Variants in KLRD1 observed in about 807,000 individuals in gnomAD.
The protein encoded by KLRD1 is killer cell lectin like receptor D1, also known as natural killer cells antigen CD94.
A neutral mutation model predicts 22.6 loss-of-function variants in KLRD1; 21 were observed. The observed-to-expected ratio is 0.93, with a 90% CI of 0.66 to 1.34. The LOEUF (loss-of-function observed/expected upper bound fraction) is 1.34, where lower values mean the gene tolerates loss of function less well. Among genes scored for constraint, KLRD1 ranks in the 40% most tolerant of loss-of-function variants. KLRD1 has a pLI of 0.00. For synonymous variants in KLRD1, 59 were observed against 71.1 expected, an observed-to-expected ratio of 0.83 and a Z score of 0.85; for missense variants, 183 against 208.6, an observed-to-expected ratio of 0.88 and a Z score of 0.76.
chr12:10,312,259 C>T (rs1297882435), intron 4 of KLRD1, among the ~76,000 whole-genome samples: 1 of 151,894 alleles, frequency 6.6e-6, no homozygotes, highest in Non-Finnish European at 1.5e-5. Flanking sequence ...ACCGTATTGG[C>T]GAGGCTGGTC....
At position 10,329,277 on chromosome 12, in the gene KLRD1, T is replaced by C. The variant is rs1398756732; in HGVS notation, c.*14484T>C. 1.3e-5 allele frequency: 2 copies of C among 152,238 alleles called. No individual in the cohort carries two copies. Among genetic ancestry groups the C allele is most frequent in the Non-Finnish European group, 2.9e-5 (2 of 68,030 alleles). 9.4% of individuals were successfully genotyped at this position (152,238 alleles called of 1,614,324 possible). On this transcript the variant is annotated 3_prime_UTR_variant, in exon 6 of 6. Transcript: ENST00000336164. ...GATTTATTCTTTGCAGATTGGTTGT[T>C]CAAAAATGTATTGTTAAATTATCAC...
intron 1 of KLRD1, among the ~76,000 whole-genome samples, chr12:10,248,477 A>C (rs569362497): frequency 6.6e-6 from 1 of 151,518 alleles, no homozygotes; most frequent in Admixed American, 6.6e-5. Flanking sequence ...TTAATATTTT[A>C]TTTTTATGTT....
At chr12:10,295,199 G>A (rs1028934262) in intron 1 of KLRD1, among the ~76,000 whole-genome samples, 2 of 152,112 alleles carry the variant, frequency 1.3e-5, no homozygotes, top group Non-Finnish European at 2.9e-5. Context: ...AACCATGGCT[G>A]TTGCCTATTT....
chr12:10,245,435 A>G (rs1216422880), intron 1 of KLRD1, among the ~76,000 whole-genome samples: 2 of 152,206 alleles, frequency 1.3e-5, no homozygotes, highest in East Asian at 1.9e-4. Context: ...GGAACAACTA[A>G]TAGTCTAAGA....
intron 1 of KLRD1, among the ~76,000 whole-genome samples, chr12:10,291,506 C>T (rs1407826015): frequency 6.6e-6 from 1 of 152,068 alleles, no homozygotes; most frequent in Non-Finnish European, 1.5e-5. Flanking sequence ...TTCACAACAT[C>T]TTCACCAGGA....
At chr12:10,309,833 C>T (rs1473646802) in intron 3 of KLRD1, 145 bp downstream of exon 3, 2 of 617,220 alleles carry the variant, frequency 3.2e-6, no homozygotes, top group Non-Finnish European at 5.8e-6. Flanking sequence ...TTTTACATTG[C>T]TCAATCTAAT....
At chr12:10,250,801 TA>T (rs1830765999) in intron 1 of KLRD1, among the ~76,000 whole-genome samples, 1 of 152,118 alleles carries the variant, frequency 6.6e-6, no homozygotes, top group Non-Finnish European at 1.5e-5. Flanking sequence ...CATAATACTT[TA>T]AAAATGGATA....
At chr12:10,266,353 A>G (rs1233473875) in intron 1 of KLRD1, among the ~76,000 whole-genome samples, 1 of 152,108 alleles carries the variant, frequency 6.6e-6, no homozygotes, top group Non-Finnish European at 1.5e-5. Flanking sequence ...ATTTTTGTCA[A>G]TTCAATGGGC....
chr12:10,290,202 G>A (rs1269515299), intron 1 of KLRD1, among the ~76,000 whole-genome samples: 6 of 152,172 alleles, frequency 3.9e-5, no homozygotes, highest in African/African-American at 1.4e-4. Flanking sequence ...AATTAAAATG[G>A]TATGTTGAAT....
At chr12:10,271,197 C>T (rs889395792) in intron 1 of KLRD1, among the ~76,000 whole-genome samples, 4 of 151,976 alleles carry the variant, frequency 2.6e-5, no homozygotes, top group Non-Finnish European at 5.9e-5. Context: ...ATTCTGTGAC[C>T]GTTTTGATAA....
intron 1 of KLRD1, among the ~76,000 whole-genome samples, chr12:10,241,756 T>C (rs1949243211): frequency 6.6e-6 from 1 of 152,124 alleles, no homozygotes; most frequent in African/African-American, 2.4e-5. Context: ...ATGTGCATAT[T>C]TGTTTATATA....
At chr12:10,240,313 T>A (rs7972414) in intron 1 of KLRD1, among the ~76,000 whole-genome samples, 6 of 151,766 alleles carry the variant, frequency 4.0e-5, no homozygotes, top group East Asian at 1.9e-4. Flanking sequence ...TGCCCGCTTC[T>A]GCCTCCCAAA....
At chr12:10,309,868 A>C (rs1950018387) in intron 3 of KLRD1, among the ~76,000 whole-genome samples, 180 bp downstream of exon 3, 1 of 152,216 alleles carries the variant, frequency 6.6e-6, no homozygotes, top group Non-Finnish European at 1.5e-5. Flanking sequence ...ATTACACTGA[A>C]TGTGTATCAT....
chr12:10,272,111 T>G (rs1184689278), intron 1 of KLRD1, among the ~76,000 whole-genome samples: 1 of 152,148 alleles, frequency 6.6e-6, no homozygotes. Flanking sequence ...AGTAGAAATA[T>G]TCAAATTAAT....
At chr12:10,303,172 T>G (rs914566809), upstream of KLRD1, among the ~76,000 whole-genome samples, 7 of 152,194 alleles carry the variant, frequency 4.6e-5, no homozygotes, top group Non-Finnish European at 8.8e-5. Flanking sequence ...ATGAGAACCT[T>G]TGTGTCAGAA....
chr12:10,276,570 C>T (rs1949593876), intron 1 of KLRD1, among the ~76,000 whole-genome samples: 1 of 151,378 alleles, frequency 6.6e-6, no homozygotes, highest in South Asian at 2.1e-4. Context: ...CTCTTGTTGC[C>T]CAGGCTGGAG....
Position 10,328,322 on chromosome 12 carries a change from T to G in KLRD1, c.*13529T>G, listed in dbSNP as rs2137759424. The G allele has an allele frequency of 6.6e-6, 1 of 152,302 alleles. No homozygotes were observed. Among genetic ancestry groups the G allele is most frequent in the East Asian group, 1.9e-4 (1 of 5,190 alleles). 9.4% of individuals were successfully genotyped at this position (152,302 alleles called of 1,614,324 possible). A position where few individuals can be genotyped will look rare whatever the true frequency, so the allele number is the denominator to read the frequency against. On this transcript the variant is annotated 3_prime_UTR_variant, in exon 6 of 6. Coordinates refer to ENST00000336164, the MANE Select transcript of KLRD1 (RefSeq NM_002262.5). ...TTGTTGTAAGTTTCTTGATTACTGA[T>G]TCAATCTTCATTCTAGTTATAGATA...
chr12:10,241,172 C>T (rs1301926598), intron 1 of KLRD1, among the ~76,000 whole-genome samples: 1 of 152,080 alleles, frequency 6.6e-6, no homozygotes, highest in Non-Finnish European at 1.5e-5. Flanking sequence ...TGACACAAAA[C>T]GTTGAAAGTT....
At position 10,327,549 on chromosome 12, in the gene KLRD1, T is replaced by C. The variant is rs1384043391; in HGVS notation, c.*12756T>C. 2 of 152,180 alleles carry C rather than the reference T, an allele frequency of 1.3e-5. No homozygotes were observed. The highest frequency in any genetic ancestry group is 2.4e-5 in the African/African-American group (1 of 41,440). The allele number at this position is 152,180 out of a possible 1,614,324, so 9.4% of individuals were successfully genotyped here. ...TATAGGAGGATTTTTGCATGTTGAT[T>C]TTGTACCCTGCAACTTTACTTGGTT... On this transcript the variant is annotated 3_prime_UTR_variant, in exon 6 of 6. Transcript: ENST00000336164.
Sources: allele counts gnomAD v4.1 joint callset (sites outside exome capture counted in the v4.1 genomes callset), GRCh38; gene constraint gnomAD v4.1.1; transcripts MANE v1.5; gene names NCBI Gene and HGNC (gene_info 2026-07-23, HGNC 2026-07-21).